Variants in SEC13 observed in about 807,000 individuals in gnomAD.
The protein encoded by SEC13 is SEC13 homolog, nuclear pore and COPII component, also known as protein SEC13 homolog.
Under a neutral mutation model 49.2 loss-of-function variants are expected in SEC13, and 25 were observed. The ratio of observed to expected loss-of-function variants is 0.51; its 90% confidence interval spans 0.37 to 0.71. The LOEUF (loss-of-function observed/expected upper bound fraction) is 0.71, where lower values mean the gene tolerates loss of function less well. Among genes scored for constraint, SEC13 ranks in the 30% least tolerant of loss-of-function variants. The pLI is 0.00. For synonymous variants in SEC13, 148 were observed against 163.9 expected (o/e 0.90, Z 0.74); for missense variants, 383 against 417.6 (o/e 0.92, Z 0.72).
At chr3:10,319,025 G>T in intron 1 of SEC13, 1 of 944,800 alleles carries the variant, frequency 1.1e-6, no homozygotes, top group Non-Finnish European at 1.6e-6. Context: ...GAATGAATAA[G>T]TAAATGAACA....
chr3:10,319,210 C>A (rs2059720088), intron 1 of SEC13: 1 of 1,613,654 alleles, frequency 6.2e-7, no homozygotes, highest in Non-Finnish European at 8.5e-7. Flanking sequence ...TTCAGAAAGG[C>A]AGACAGTGGA....
chr3:10,315,430 C>A lies in SEC13; in HGVS notation c.55G>T (p.Ala19Ser), dbSNP rs1248337208. The A allele has an allele frequency of 3.7e-6, 5 of 1,352,054 alleles. No individual in the cohort carries two copies. The highest frequency in any genetic ancestry group is 4.9e-6 in the Non-Finnish European group (5 of 1,022,850). The allele number at this position is 1,352,054 out of a possible 1,614,324, so 83.8% of individuals were successfully genotyped here. The change falls in exon 3 of 9, where the codon GCC (alanine) becomes TCC (serine). Residue 19 changes from alanine to serine, a missense_variant. Coordinates refer to ENST00000350697, the MANE Select transcript of SEC13 (RefSeq NM_183352.3). ...DTSHEDMIHD[A>S]QMDYYGTRLA... ...CGGGTGCCATAGTAGTCCATCTGGG[C>A]GTCGTGCTGCAAAGGGAGGACAGCT...
chr3:10,315,749 C>T (rs988536314), intron 2 of SEC13, among the ~76,000 whole-genome samples: 5 of 152,012 alleles, frequency 3.3e-5, no homozygotes, highest in African/African-American at 1.2e-4. Context: ...GCCTAGCTGC[C>T]CTCTTCTTCC....
intron 8 of SEC13, chr3:10,303,689 C>T (rs1700683414): frequency 2.6e-6 from 1 of 385,400 alleles, no homozygotes; most frequent in African/African-American, 2.1e-5. Flanking sequence ...TATACACTTG[C>T]CTTTTTGGCA....
chr3:10,321,088 G>A lies in SEC13; in HGVS notation c.-36C>T, dbSNP rs1325829215. 1 of 1,612,356 alleles carries A rather than the reference G, an allele frequency of 6.2e-7. No individual in the cohort carries two copies. The highest frequency in any genetic ancestry group is 8.5e-7 in the Non-Finnish European group (1 of 1,179,516). On this transcript the variant is annotated 5_prime_UTR_variant, in exon 1 of 9. Transcript: ENST00000350697. This position sits in a 1 kb window ranked among gnomAD's most constrained non-coding sequence, Gnocchi z 4.1. ...GTGGCTGCTCCAGGTCTCGGACGTG[G>A]CAGCTCCCGGCGGCGCCTCGGAACA... is the stretch of plus-strand genomic sequence containing the variant.
rs374711158 is a variant in SEC13, at chr3:10,301,379, G to A, written c.856-5C>T. 257 of 1,613,954 alleles carry A rather than the reference G, an allele frequency of 1.6e-4. No individual in the cohort carries two copies. Among genetic ancestry groups the A allele is most frequent in the Non-Finnish European group, 2.0e-4 (240 of 1,180,040 alleles). On this transcript the variant is annotated splice_polypyrimidine_tract_variant and splice_region_variant and intron_variant, in intron 8 of 8. Transcript: ENST00000350697. ...TGACTCCTTCCACAGGGTCACCTGC[G>A]AGTCAGTGCACAAGCAGATTATCAC... is the stretch of plus-strand genomic sequence containing the variant.
chr3:10,305,685 C>A lies in SEC13; in HGVS notation c.458G>T (p.Cys153Phe). ...KKINNAHTIG[C>F]NAVSWAPAVV... ...AGCAGGGGCCCAGCTGACGGCATTG[C>A]AGCCAATCTGTAAAGATGGGACACA... Residue 153 changes from cysteine to phenylalanine, a missense_variant, in exon 6 of 9, where the codon TGC becomes TTC. By Grantham distance (205) the Cys-to-Phe change is radical. Coordinates refer to ENST00000350697, the MANE Select transcript of SEC13 (RefSeq NM_183352.3). 6.2e-7 allele frequency: 1 copy of A among 1,614,186 alleles called. No homozygotes were observed. Among genetic ancestry groups the A allele is most frequent in the Non-Finnish European group, 8.5e-7 (1 of 1,180,022 alleles).
At chr3:10,304,976 G>T in intron 7 of SEC13, 57 bp downstream of exon 7, 1 of 1,611,702 alleles carries the variant, frequency 6.2e-7, no homozygotes. Context: ...GAGACTAAGA[G>T]CTGATGGGCC....
chr3:10,319,824 AGGGAGGGG>A (rs1219880608), intron 1 of SEC13, among the ~76,000 whole-genome samples: 2 of 16,060 alleles, frequency 1.2e-4, no homozygotes, highest in Admixed American at 6.8e-4. Context: ...GGGAGGAAAG[AGGGAGGGG>A]GAGAGAAAAG....
intron 1 of SEC13, chr3:10,319,415 GCACAGT>G: frequency 1.3e-6 from 1 of 795,348 alleles, no homozygotes; most frequent in African/African-American, 1.8e-5. Flanking sequence ...GGTACCAAGG[GCACAGT>G]CAATCAGAGA....
intron 1 of SEC13, chr3:10,320,828 G>A (rs1382139177): frequency 1.5e-6 from 2 of 1,323,350 alleles, no homozygotes; most frequent in African/African-American, 1.5e-5. Context: ...GGAGACGCAG[G>A]AGCGGCGCGC....
Position 10,305,063 on chromosome 3 carries a change from C to A in SEC13, c.678G>T (p.Leu226=). 6.2e-7 allele frequency: 1 copy of A among 1,614,154 alleles called. No individual in the cohort carries two copies. Among genetic ancestry groups the A allele is most frequent in the Non-Finnish European group, 8.5e-7 (1 of 1,180,032 alleles). ...RDVAWAPSIG[L]PTSTIASCSQ... ...AGCAGCTGGCGATGGTGCTGGTGGGCAGGCCGATGGAGGGGGCCCAGGCCA... is the reference window on the plus strand; with the variant it reads ...AGCAGCTGGCGATGGTGCTGGTGGGAAGGCCGATGGAGGGGGCCCAGGCCA... Residue 226 remains leucine, a synonymous_variant, in exon 7 of 9, where the codon CTG becomes CTT. Transcript: ENST00000350697.
chr3:10,305,420 A>G, intron 6 of SEC13, 139 bp downstream of exon 6: 1 of 1,185,654 alleles, frequency 8.4e-7, no homozygotes, highest in Non-Finnish European at 1.2e-6. Context: ...ATGTCCTCCA[A>G]CAGATTGAAA....
intron 2 of SEC13, among the ~76,000 whole-genome samples, chr3:10,316,773 G>A (rs752484898): frequency 4.6e-5 from 7 of 151,980 alleles, no homozygotes; most frequent in South Asian, 2.1e-4. Context: ...AAGCTGAGGC[G>A]GGCGGATCAC....
intron 5 of SEC13, chr3:10,311,565 G>A: frequency 1.1e-6 from 1 of 878,186 alleles, no homozygotes; most frequent in Non-Finnish European, 1.4e-6. Flanking sequence ...GTTGGGTAAA[G>A]AATGACCTTG....
At chr3:10,315,694 C>G (rs114637630) in intron 2 of SEC13, among the ~76,000 whole-genome samples, 1,531 of 152,340 alleles carry the variant, frequency 0.01, 28 homozygotes, top group African/African-American at 0.035. Flanking sequence ...GGGAAGGGCT[C>G]TTCCATTCCT....
At chr3:10,319,493 G>C (rs1289487241) in intron 1 of SEC13, among the ~76,000 whole-genome samples, 1 of 152,096 alleles carries the variant, frequency 6.6e-6, no homozygotes, top group Admixed American at 6.5e-5. Context: ...CAAAGTCACA[G>C]AGCTAGTTCA....
intron 5 of SEC13, chr3:10,311,458 T>G (rs11920629): frequency 0.041 from 7,159 of 173,920 alleles, 527 homozygotes; most frequent in African/African-American, 0.16. Context: ...AACTGTGTGG[T>G]GGTAGGAGGT....
chr3:10,319,989 GGAGAGAGGGAGGGTGGGGAGAGA>G, intron 1 of SEC13, among the ~76,000 whole-genome samples: 1 of 94,800 alleles, frequency 1.1e-5, no homozygotes. Flanking sequence ...GAGGGAGTGG[GGAGAGAGGGAGGGTGGGGAGAGA>G]GAGAGAGAGA....
Sources: allele counts gnomAD v4.1 joint callset (sites outside exome capture counted in the v4.1 genomes callset), GRCh38; gene constraint gnomAD v4.1.1; non-coding constraint Gnocchi (gnomAD v3.1); transcripts MANE v1.5; gene names NCBI Gene and HGNC (gene_info 2026-07-23, HGNC 2026-07-21).